The following FAM135A variants were observed in gnomAD, a reference collection of about 807,000 sequenced individuals.
FAM135A encodes the protein family with sequence similarity 135 member A.
FAM135A carries 79 observed loss-of-function variants against 146.8 expected under a neutral mutation model. That is an observed-to-expected ratio of 0.54 (90% CI 0.45 to 0.65). The LOEUF (loss-of-function observed/expected upper bound fraction) is 0.65, where lower values mean the gene tolerates loss of function less well. Among genes scored for constraint, FAM135A ranks in the 30% least tolerant of loss-of-function variants. FAM135A has a pLI of 0.00. For synonymous variants in FAM135A, 562 were observed against 603.6 expected (o/e 0.93, Z 1.01); for missense variants, 1,623 against 1,758.2 (o/e 0.92, Z 1.38).
At position 70,426,250 on chromosome 6, in the gene FAM135A, A is replaced by G. The variant is rs73474964; in HGVS notation, c.-133-189A>G. On this transcript the variant is annotated intron_variant, in intron 2 of 21. Transcript: ENST00000418814. ...ATGTAAGTGAATCCTTAATAGAGAT[A>G]TAATAGTTAATATTGATATTGAAAT... 4.1e-3 allele frequency among the ~76,000 whole-genome samples: 617 copies of G among 152,302 alleles called. 3 individuals carry two copies. The highest frequency in any genetic ancestry group is 0.014 in the African/African-American group (598 of 41,566).
At chr6:70,469,353 A>G (rs1466488511) in intron 5 of FAM135A, among the ~76,000 whole-genome samples, 4 of 152,206 alleles carry the variant, frequency 2.6e-5, no homozygotes, top group South Asian at 2.1e-4. Context: ...TATGTAAGTC[A>G]CTGGTATTTC....
At chr6:70,494,858 C>T (rs1026142657) in intron 11 of FAM135A, among the ~76,000 whole-genome samples, 2 of 151,966 alleles carry the variant, frequency 1.3e-5, no homozygotes, top group Admixed American at 1.3e-4. Flanking sequence ...GGTTAAAGGC[C>T]AGAGAATTGT....
intron 4 of FAM135A, among the ~76,000 whole-genome samples, chr6:70,442,536 T>C (rs1427982199): frequency 6.6e-6 from 1 of 152,154 alleles, no homozygotes; most frequent in African/African-American, 2.4e-5. Context: ...TTATTTTTAT[T>C]AGTTTTTGGT....
intron 4 of FAM135A, among the ~76,000 whole-genome samples, chr6:70,428,760 A>G (rs1770783080): frequency 6.6e-6 from 1 of 152,228 alleles, no homozygotes. Flanking sequence ...ATAGAAATAC[A>G]AACATACATG....
intron 8 of FAM135A, among the ~76,000 whole-genome samples, chr6:70,477,561 C>T (rs1456272486): frequency 6.6e-6 from 1 of 151,944 alleles, no homozygotes; most frequent in Non-Finnish European, 1.5e-5. Flanking sequence ...AGAGCAGGAG[C>T]AAAAGAGTCA....
intron 12 of FAM135A, among the ~76,000 whole-genome samples, chr6:70,516,530 C>CT (rs1174927909): frequency 0.018 from 1,554 of 84,938 alleles, 27 homozygotes; most frequent in East Asian, 0.054. Context: ...ATTTTCTTTT[C>CT]TTTTTTTTTT....
At position 70,556,754 on chromosome 6, in the gene FAM135A, T is replaced by C. The variant is rs777859725; in HGVS notation, c.4233T>C (p.Leu1411=). 88 of 1,599,248 alleles carry C rather than the reference T, an allele frequency of 5.5e-5. No individual in the cohort carries two copies. Among genetic ancestry groups the C allele is most frequent in the Non-Finnish European group, 2.6e-6 (3 of 1,172,464 alleles). ...TTTATTATATTCTATTCACAGGGCT[T>C]CATTATTTCAAAAATGTTGTGCTAG... ...FLYKLSNKAG[L]HYFKNVVLVG... is the part of the protein sequence containing the mutation. Residue 1411 remains leucine (L), a synonymous_variant, in exon 21 of 22, where the codon CTT becomes CTC. Transcript: ENST00000418814.
intron 20 of FAM135A, among the ~76,000 whole-genome samples, chr6:70,555,259 T>G (rs1354171556): frequency 6.6e-6 from 1 of 151,984 alleles, no homozygotes; most frequent in Admixed American, 6.6e-5. Context: ...GGAAATCAAT[T>G]TTCTTTTTTT....
chr6:70,492,738 C>CTCATTCT (rs1028227516), intron 11 of FAM135A, among the ~76,000 whole-genome samples: 95 of 150,096 alleles, frequency 6.3e-4, no homozygotes, highest in African/African-American at 2.2e-3. Flanking sequence ...TGAAATGATA[C>CTCATTCT]TCATTCTTAC....
chr6:70,551,347 C>T (rs531095083), intron 20 of FAM135A, among the ~76,000 whole-genome samples: 2 of 152,242 alleles, frequency 1.3e-5, no homozygotes, highest in South Asian at 2.1e-4. Flanking sequence ...TGGTGGCTCA[C>T]GCCTGTAATT....
chr6:70,554,924 A>T (rs1800546778), intron 20 of FAM135A, among the ~76,000 whole-genome samples: 1 of 152,114 alleles, frequency 6.6e-6, no homozygotes, highest in African/African-American at 2.4e-5. Context: ...ATACCCAGCC[A>T]TTAATTATAT....
rs914678896 is a variant in FAM135A, at chr6:70,526,197, T to A, written c.3113T>A (p.Leu1038His). The A allele has an allele frequency of 1.2e-6, 2 of 1,613,272 alleles. No homozygotes were observed. Among genetic ancestry groups the A allele is most frequent in the African/African-American group, 1.3e-5 (1 of 74,878 alleles). Residue 1038 changes from leucine to histidine, a missense_variant, in exon 15 of 22, where the codon CTT becomes CAT. Coordinates refer to ENST00000418814, the MANE Select transcript of FAM135A (RefSeq NM_001162529.3). ...AGTACTGATATAGTAAAGCAAGGGC[T>A]TGTGGAAAATTATTTTGGTTCTCAA... Reference protein sequence around the residue: ...SASTDIVKQGLVENYFGSQSS... With the variant: ...SASTDIVKQGHVENYFGSQSS...
At chr6:70,487,916 A>G (rs1429194562) in intron 10 of FAM135A, among the ~76,000 whole-genome samples, 1 of 152,164 alleles carries the variant, frequency 6.6e-6, no homozygotes, top group Non-Finnish European at 1.5e-5. Flanking sequence ...ACTAAAACAT[A>G]ATGAAGTTAG....
chr6:70,422,740 A>G (rs1769142775), intron 2 of FAM135A, among the ~76,000 whole-genome samples: 1 of 152,214 alleles, frequency 6.6e-6, no homozygotes, highest in Admixed American at 6.5e-5. Flanking sequence ...AATTGAAGAC[A>G]AGTAATAATA....
At chr6:70,430,226 A>C (rs960344925) in intron 4 of FAM135A, among the ~76,000 whole-genome samples, 36 of 151,898 alleles carry the variant, frequency 2.4e-4, no homozygotes, top group African/African-American at 8.4e-4. Flanking sequence ...AATCCCAGCT[A>C]CTCGGGAGGC....
chr6:70,538,366 G>A lies in FAM135A; in HGVS notation c.4193G>A (p.Arg1398His), dbSNP rs753275338. 5 of 1,504,604 alleles carry A rather than the reference G, an allele frequency of 3.3e-6. No homozygotes were observed. The highest frequency in any genetic ancestry group is 1.4e-5 in the South Asian group (1 of 71,462). The allele number at this position is 1,504,604 out of a possible 1,614,324, so 93.2% of individuals were successfully genotyped here. A position where few individuals can be genotyped will look rare whatever the true frequency, so the allele number is the denominator to read the frequency against. ...QLTCRDHSDP[R>H]QTFLYKLSNK... is the part of the protein sequence containing the mutation. Reference sequence around the variant, plus strand: ...ACATGTCGAGATCACTCAGACCCTCGCCAAACTTTTTTATATAAGCTTAGT... The same window carrying A: ...ACATGTCGAGATCACTCAGACCCTCACCAAACTTTTTTATATAAGCTTAGT... The change falls in exon 20 of 22, where the codon CGC becomes CAC. Residue 1398 changes from arginine to histidine, a missense_variant. By Grantham distance (29) the Arg-to-His change is conservative (BLOSUM62 0). Coordinates refer to ENST00000418814, the MANE Select transcript of FAM135A (RefSeq NM_001162529.3).
chr6:70,535,065 C>G (rs1224600985), intron 18 of FAM135A, among the ~76,000 whole-genome samples: 1 of 152,038 alleles, frequency 6.6e-6, no homozygotes, highest in African/African-American at 2.4e-5. Flanking sequence ...TATTCCTCCT[C>G]AAAAGTATTG....
chr6:70,426,940 A>T (rs965724378), intron 3 of FAM135A, among the ~76,000 whole-genome samples: 1 of 152,168 alleles, frequency 6.6e-6, no homozygotes, highest in Non-Finnish European at 1.5e-5. Context: ...GACTTCTAAG[A>T]TTGTTCATTA....
chr6:70,553,560 A>G (rs1312947397), intron 20 of FAM135A, among the ~76,000 whole-genome samples: 2 of 152,204 alleles, frequency 1.3e-5, no homozygotes, highest in Non-Finnish European at 2.9e-5. Context: ...TTCTAATATA[A>G]AAATTTAATC....
Sources: allele counts gnomAD v4.1 joint callset (sites outside exome capture counted in the v4.1 genomes callset), GRCh38; gene constraint gnomAD v4.1.1; transcripts MANE v1.5; gene names NCBI Gene and HGNC (gene_info 2026-07-23, HGNC 2026-07-21).